Variants in CDH1 observed in about 807,000 individuals in gnomAD.
The protein encoded by CDH1 is cadherin 1, also known as cadherin-1.
In CDH1, 35 loss-of-function variants were observed where a neutral mutation model predicts 84.5. The observed-to-expected ratio is 0.41, with a 90% CI of 0.32 to 0.55. CDH1 has a LOEUF of 0.55. Among genes scored for constraint, CDH1 ranks in the 20% least tolerant of loss-of-function variants. The probability of loss-of-function intolerance (pLI) is 0.19; values close to 1 mark genes in which losing one functional copy is unlikely to be tolerated. For missense variants in CDH1, 994 were observed against 1,126.6 expected (o/e 0.88, Z 1.68); for synonymous variants, 417 against 439.0 (o/e 0.95, Z 0.63).
chr16:68,755,297 A>AAAAAAAAAAT (rs1962991185), intron 2 of CDH1, among the ~76,000 whole-genome samples: 1 of 151,740 alleles, frequency 6.6e-6, no homozygotes, highest in African/African-American at 2.4e-5. Context: ...AAAAAAAAAA[A>AAAAAAAAAAT]AAAAAAATAG....
At chr16:68,757,247 C>G (rs1400374106) in intron 2 of CDH1, among the ~76,000 whole-genome samples, 1 of 152,038 alleles carries the variant, frequency 6.6e-6, no homozygotes, top group East Asian at 1.9e-4. Flanking sequence ...CGCCACCATG[C>G]CCGGCTAATT....
intron 2 of CDH1, among the ~76,000 whole-genome samples, chr16:68,748,258 A>G (rs1369857245): frequency 6.6e-6 from 1 of 151,782 alleles, no homozygotes; most frequent in Non-Finnish European, 1.5e-5. Context: ...GATTACAGGC[A>G]TGCTACACCA....
chr16:68,826,404 C>G (rs1961323639), intron 13 of CDH1: 1 of 152,072 alleles, frequency 6.6e-6, no homozygotes, highest in South Asian at 2.1e-4. Flanking sequence ...ACCTTGGCCT[C>G]CCAAAGTGCT....
At chr16:68,823,254 A>G (rs1034834044) in intron 12 of CDH1, 145 bp from the exon 13 acceptor site, 1 of 640,600 alleles carries the variant, frequency 1.6e-6, no homozygotes. Flanking sequence ...AAAAAAAAAA[A>G]AGTACATACC....
At chr16:68,805,217 A>G (rs1193888782) in intron 3 of CDH1, among the ~76,000 whole-genome samples, 1 of 151,338 alleles carries the variant, frequency 6.6e-6, no homozygotes, top group African/African-American at 2.4e-5. Flanking sequence ...ATGGGGTTTT[A>G]CCATGTTGGC....
intron 3 of CDH1, among the ~76,000 whole-genome samples, chr16:68,807,412 G>A (rs1960694222): frequency 6.6e-6 from 1 of 152,192 alleles, no homozygotes; most frequent in Non-Finnish European, 1.5e-5. Flanking sequence ...ACTCACACCT[G>A]TAATCCCAGC....
chr16:68,816,293 T>A (rs892036423), intron 10 of CDH1, among the ~76,000 whole-genome samples: 5 of 152,198 alleles, frequency 3.3e-5, no homozygotes, highest in Admixed American at 3.3e-4. Context: ...ATTACAGGCG[T>A]GAGCCACCGC....
intron 2 of CDH1, among the ~76,000 whole-genome samples, chr16:68,747,169 A>G (rs1308107887): frequency 1.3e-5 from 2 of 152,116 alleles, no homozygotes; most frequent in Non-Finnish European, 2.9e-5. Flanking sequence ...GGTCAGCTTC[A>G]CCTGCTGGGC....
intron 2 of CDH1, among the ~76,000 whole-genome samples, chr16:68,800,180 A>G (rs1960460580): frequency 1.3e-5 from 2 of 151,840 alleles, no homozygotes; most frequent in African/African-American, 4.8e-5. Context: ...TCTCTATGAA[A>G]ATATTATTTA....
rs769844369 is a variant in CDH1, at chr16:68,823,440, G to A, written c.1978G>A (p.Val660Met). 6.2e-7 allele frequency: 1 copy of A among 1,613,972 alleles called. No homozygotes were observed. Among genetic ancestry groups the A allele is most frequent in the Non-Finnish European group, 8.5e-7 (1 of 1,179,958 alleles). The change falls in exon 13 of 16, where the codon GTG becomes ATG. Residue 660 changes from valine to methionine, a missense_variant. By Grantham distance (21) the Val-to-Met change is conservative. Around this residue, in one of 3 missense-constraint regions of CDH1, gnomAD observed 769 missense variants for 881.8 expected, o/e 0.87. Transcript: ENST00000261769. The part of the protein sequence containing the change: ...IILKPKMALE[V>M]GDYKINLKLM... The stretch of plus-strand genomic sequence containing the variant: ...TTTGAAGCCAAAGATGGCCTTAGAG[G>A]TGGGTGACTACAAAATCAATCTCAA...
chr16:68,812,129 C>T lies in CDH1; in HGVS notation c.1009-6C>T, dbSNP rs771652165. On this transcript the variant is annotated splice_region_variant and splice_polypyrimidine_tract_variant and intron_variant, in intron 7 of 15. Coordinates refer to ENST00000261769, the MANE Select transcript of CDH1 (RefSeq NM_004360.5). Reference sequence around the variant, plus strand: ...TCCTGACTTGGTTGTGTCGATCTCTCTGCAGAGTTTCCCTACGTATACCCT... The same window carrying T: ...TCCTGACTTGGTTGTGTCGATCTCTTTGCAGAGTTTCCCTACGTATACCCT... The T allele has an allele frequency of 6.2e-7, 1 of 1,614,028 alleles. No individual in the cohort carries two copies. The highest frequency in any genetic ancestry group is 2.2e-5 in the East Asian group (1 of 44,876).
intron 14 of CDH1, among the ~76,000 whole-genome samples, chr16:68,828,983 G>A (rs1161238365): frequency 1.3e-5 from 2 of 152,172 alleles, no homozygotes; most frequent in African/African-American, 4.8e-5. Context: ...GGACTTGTAA[G>A]TCTAGTTTGG....
intron 2 of CDH1, among the ~76,000 whole-genome samples, chr16:68,793,097 A>G (rs192031402): frequency 1.1e-3 from 171 of 152,304 alleles, no homozygotes; most frequent in African/African-American, 2.7e-3. Context: ...CCCTGAGAGC[A>G]CATTGCATGG....
In CDH1 at chr16:68,834,156, G is replaced by C; in HGVS notation, c.*657G>C. 4.2e-6 allele frequency: 2 copies of C among 477,996 alleles called. No individual in the cohort carries two copies. Among genetic ancestry groups the C allele is most frequent in the Non-Finnish European group, 8.3e-6 (2 of 241,032 alleles). 29.6% of individuals were successfully genotyped at this position (477,996 alleles called of 1,614,324 possible). A position where few individuals can be genotyped will look rare whatever the true frequency, so the allele number is the denominator to read the frequency against. On this transcript the variant is annotated 3_prime_UTR_variant, in exon 16 of 16. Transcript: ENST00000261769. ...AATATTTGAGACGGGGTCTCCCTGT[G>C]TTACCCAGGCTGGTCTCAAACTCCT...
chr16:68,763,978 T>G (rs201482996), intron 2 of CDH1, among the ~76,000 whole-genome samples: 1 of 152,222 alleles, frequency 6.6e-6, no homozygotes, highest in South Asian at 2.1e-4. Context: ...CCAGAGCTGG[T>G]TGGGGGGATG....
rs989091991 is a variant in CDH1 at position 68,762,464 on chromosome 16, A to G, written c.163+24053A>G. The stretch of plus-strand genomic sequence containing the variant: ...CTTTGCTGTGGGAGGATTAGGCTGC[A>G]GGGTTACCCCATAACCCCCAGTGGA... On this transcript the variant is annotated intron_variant, in intron 2 of 15. Transcript: ENST00000261769. Among the ~76,000 whole-genome samples the G allele has an allele frequency of 5.3e-5, 8 of 152,300 alleles. No individual in the cohort carries two copies. In the South Asian group the frequency reaches 8.3e-4, roughly 16 times the overall value.
chr16:68,808,915 T>G, intron 5 of CDH1, 67 bp downstream of exon 5: 1 of 1,493,968 alleles, frequency 6.7e-7, no homozygotes, highest in Non-Finnish European at 9.3e-7. Flanking sequence ...GGTCAACCCA[T>G]GCTGGATCCG....
Position 68,797,764 on chromosome 16 carries a change from A to G in CDH1, c.164-3906A>G, listed in dbSNP as rs533871609. On this transcript the variant is annotated intron_variant, in intron 2 of 15. Transcript: ENST00000261769. ...TTAGTTGAGGCTGCAGTTTTTGATGATGGTGATGATATTGTAATGAAAAGA... is the reference window on the plus strand; with the variant it reads ...TTAGTTGAGGCTGCAGTTTTTGATGGTGGTGATGATATTGTAATGAAAAGA... 5.3e-5 allele frequency among the ~76,000 whole-genome samples: 8 copies of G among 152,258 alleles called. No individual in the cohort carries two copies. In the East Asian group the frequency reaches 1.2e-3, roughly 22 times the overall value.
rs146046879 is a variant in CDH1, at chr16:68,823,237, CA to C, written c.1937-144del. 126,330 of 517,654 alleles carry C rather than the reference CA, an allele frequency of 0.24. 730 individuals are homozygous for C. Among genetic ancestry groups the C allele is most frequent in the Middle Eastern group, 0.27 (547 of 2,000 alleles). 32.1% of individuals were successfully genotyped at this position (517,654 alleles called of 1,614,324 possible). ...CAAATGGAAATAAAGCTTTTTACAG[CA>C]AAAAAAAAAAAAAAAAAGTACATAC... On this transcript the variant is annotated intron_variant, in intron 12 of 15. Coordinates refer to ENST00000261769, the MANE Select transcript of CDH1 (RefSeq NM_004360.5).
Sources: gnomAD v4.1 joint callset for allele counts (sites outside exome capture counted in the v4.1 genomes callset) on GRCh38, gnomAD v4.1.1 for gene constraint, gnomAD v4.1.1 regional missense constraint, MANE v1.5 for transcripts, NCBI Gene and HGNC (gene_info 2026-07-23, HGNC 2026-07-21) for gene names.